COL18A1: variants seen among roughly 807,000 people sequenced by gnomAD.
The protein encoded by COL18A1 is collagen type XVIII alpha 1 chain, also known as collagen alpha-1(XVIII) chain.
Under a neutral mutation model 168.0 loss-of-function variants are expected in COL18A1, and 133 were observed. That is an observed-to-expected ratio of 0.79 (90% CI 0.69 to 0.91). COL18A1 has a LOEUF of 0.91. COL18A1 is among the 40% of genes least tolerant of loss of function. The pLI, the probability that COL18A1 is intolerant of heterozygous loss-of-function variation, is 0.00. For synonymous variants in COL18A1, 949 were observed against 809.0 expected (o/e 1.17, Z -2.94); for missense variants, 2,126 against 1,925.4 (o/e 1.10, Z -1.95).
At chr21:45,493,061 G>C in intron 24 of COL18A1, 102 bp from the exon 25 acceptor site, 1 of 1,222,812 alleles carries the variant, frequency 8.2e-7, no homozygotes, top group East Asian at 2.5e-5. Flanking sequence ...GGCTGTCGAG[G>C]CAGGCATATT....
rs1048069616 is a variant in COL18A1, at chr21:45,498,997, A to G, written c.2683+1336A>G. Among the ~76,000 whole-genome samples the G allele has an allele frequency of 4.6e-5, 7 of 152,158 alleles. No individual in the cohort carries two copies. Among genetic ancestry groups the G allele is most frequent in the Admixed American group, 2.6e-4 (4 of 15,274 alleles). ...CCAGAACGAGGGCTCCGAGGGCTCTAGAGGGAACAGTGTTTGCAGGCGGAA... is the reference window on the plus strand; with the variant it reads ...CCAGAACGAGGGCTCCGAGGGCTCTGGAGGGAACAGTGTTTGCAGGCGGAA... On this transcript the variant is annotated intron_variant, in intron 32 of 41. Coordinates refer to ENST00000651438, the MANE Select transcript of COL18A1 (RefSeq NM_001379500.1). This position sits in a 1 kb window ranked among gnomAD's most constrained non-coding sequence, Gnocchi z 4.5.
intron 2 of COL18A1, among the ~76,000 whole-genome samples, chr21:45,410,555 C>T (rs568786251): frequency 5.3e-5 from 8 of 152,374 alleles, no homozygotes; most frequent in African/African-American, 9.6e-5. Flanking sequence ...CCCCCGCAGC[C>T]GTTTGTTCGT....
chr21:45,468,186 G>A lies in COL18A1; in HGVS notation c.107-56G>A. The A allele has an allele frequency of 2.5e-6, 4 of 1,598,034 alleles. No homozygotes were observed. The South Asian group carries it at 4.4e-5, about 18-fold the overall frequency. On this transcript the variant is annotated intron_variant, in intron 2 of 41. Transcript: ENST00000651438. ...CTGGCTGCCTCTCCAGGCCGCGTCG[G>A]TGGCCCCTGGTTCCGTCCTGCACAG...
intron 2 of COL18A1, among the ~76,000 whole-genome samples, chr21:45,445,376 C>T (rs891284590): frequency 3.3e-5 from 5 of 152,210 alleles, no homozygotes; most frequent in Non-Finnish European, 5.9e-5. Flanking sequence ...GACTTCTGAG[C>T]GGTGTCCACC....
chr21:45,429,707 CCT>C (rs1225312829), intron 2 of COL18A1, among the ~76,000 whole-genome samples: 3 of 152,144 alleles, frequency 2.0e-5, no homozygotes, highest in Non-Finnish European at 4.4e-5. Context: ...TCTGGCAGCC[CCT>C]GTCAGCATCC....
intron 2 of COL18A1, among the ~76,000 whole-genome samples, chr21:45,418,212 G>A (rs1344589123): frequency 6.6e-6 from 1 of 152,268 alleles, no homozygotes; most frequent in Non-Finnish European, 1.5e-5. Context: ...ACAGCGCTGA[G>A]CGGAGCTGGC....
At chr21:45,444,247 G>C (rs2034456917) in intron 2 of COL18A1, among the ~76,000 whole-genome samples, 1 of 152,208 alleles carries the variant, frequency 6.6e-6, no homozygotes, top group African/African-American at 2.4e-5. Flanking sequence ...CTTCAGTGCT[G>C]CGAGCAGGCT....
chr21:45,482,245 G>A lies in COL18A1; in HGVS notation c.1674+220G>A, dbSNP rs17004781. ...CCTGTGATGATGAGTGGACTCACGG[G>A]TTTTAAGAACATGGGCACCCTGCGA... On this transcript the variant is annotated intron_variant, in intron 14 of 41. Transcript: ENST00000651438. 5.5e-3 allele frequency: 3,418 copies of A among 624,872 alleles called. 77 individuals carry two copies. The African/African-American group carries it at 0.056, about 10-fold the overall frequency. The allele number at this position is 624,872 out of a possible 1,614,324, so 38.7% of individuals were successfully genotyped here. A position where few individuals can be genotyped will look rare whatever the true frequency, so the allele number is the denominator to read the frequency against.
chr21:45,492,174 G>T (rs1198016298), intron 22 of COL18A1, among the ~76,000 whole-genome samples: 1 of 152,238 alleles, frequency 6.6e-6, no homozygotes, highest in Non-Finnish European at 1.5e-5. Context: ...GGCAGGGGCA[G>T]CCCGAGAGGC....
At position 45,504,138 on chromosome 21, in the gene COL18A1, C is replaced by T. The variant is rs530549292; in HGVS notation, c.2727+84C>T. 1.4e-3 allele frequency: 2,132 copies of T among 1,476,604 alleles called. 2 individuals carry two copies. The highest frequency in any genetic ancestry group is 1.9e-3 in the Non-Finnish European group (1,968 of 1,057,702). 91.5% of individuals were successfully genotyped at this position (1,476,604 alleles called of 1,614,324 possible). A position where few individuals can be genotyped will look rare whatever the true frequency, so the allele number is the denominator to read the frequency against. ...GCTGCTCCCAATTTCTCGCCCCATC[C>T]GGCCCAAGCCCCCTTCCTGTTCAGC... On this transcript the variant is annotated intron_variant, in intron 33 of 41. Coordinates refer to ENST00000651438, the MANE Select transcript of COL18A1 (RefSeq NM_001379500.1).
At chr21:45,448,335 CAAG>C (rs769889684) in intron 2 of COL18A1, among the ~76,000 whole-genome samples, 6 of 152,204 alleles carry the variant, frequency 3.9e-5, no homozygotes, top group African/African-American at 7.2e-5. Context: ...CGTGTGCACA[CAAG>C]AATATCTACA....
chr21:45,497,892 C>G, intron 32 of COL18A1: 1 of 620,050 alleles, frequency 1.6e-6, no homozygotes, highest in Non-Finnish European at 2.8e-6. Flanking sequence ...GCCCCATCAC[C>G]TCCTGAGGAG....
In COL18A1 at chr21:45,505,190, C is replaced by T. The variant is rs1176134047; in HGVS notation, c.2925C>T (p.Pro975=). 2 of 1,605,370 alleles carry T rather than the reference C, an allele frequency of 1.2e-6. No individual in the cohort carries two copies. Among genetic ancestry groups the T allele is most frequent in the Admixed American group, 1.7e-5 (1 of 58,618 alleles). Residue 975 remains proline (P), a synonymous_variant, in exon 35 of 42, where the codon CCC becomes CCT. Coordinates refer to ENST00000651438, the MANE Select transcript of COL18A1 (RefSeq NM_001379500.1). ...GQPGPPGPQG[P]PGIGYEGRQG... ...CCGGCCCACCTGGACCTCAGGGACC[C>T]CCCGGCATCGGCTACGAGGGGCGCC...
chr21:45,425,525 C>A lies in COL18A1; in HGVS notation c.106+20052C>A, dbSNP rs1213618427. Among the ~76,000 whole-genome samples the A allele has an allele frequency of 6.6e-6, 1 of 152,224 alleles. No homozygotes were observed. The highest frequency in any genetic ancestry group is 2.4e-5 in the African/African-American group (1 of 41,458). ...GGGGTCACAACCCCACTCACCCACA[C>A]CCTCCTGCATGAACACTGCACAGCT... On this transcript the variant is annotated intron_variant, in intron 2 of 41. Coordinates refer to ENST00000651438, the MANE Select transcript of COL18A1 (RefSeq NM_001379500.1). The surrounding 1 kb of genome is among the most constrained non-coding windows in gnomAD (Gnocchi z 4.1).
intron 2 of COL18A1, among the ~76,000 whole-genome samples, chr21:45,434,454 C>CG (rs979185427): frequency 1.3e-4 from 20 of 152,126 alleles, no homozygotes; most frequent in South Asian, 4.2e-4. Context: ...TTGCTCTCTC[C>CG]GGGGGGGTTT....
chr21:45,441,342 G>C (rs1006674127), intron 2 of COL18A1, among the ~76,000 whole-genome samples: 1 of 152,204 alleles, frequency 6.6e-6, no homozygotes, highest in Non-Finnish European at 1.5e-5. Flanking sequence ...GCAAGACGCT[G>C]CCCCTACTGT....
Position 45,505,849 on chromosome 21 carries a change from G to T in COL18A1, c.3099G>T (p.Trp1033Cys). The change falls in exon 37 of 42, where the codon TGG becomes TGT. Residue 1033 changes from tryptophan to cysteine, a missense_variant. Coordinates refer to ENST00000651438, the MANE Select transcript of COL18A1 (RefSeq NM_001379500.1). ...TTTGGTCCCAGCAGGTGAGGCTCTG[G>T]GCTACACGCCAGGCCATGCTGGGCC... ...TMGASSGVRL[W>C]ATRQAMLGQV... is the part of the protein sequence containing the mutation. 3.1e-6 allele frequency: 5 copies of T among 1,609,974 alleles called. No individual in the cohort carries two copies. The highest frequency in any genetic ancestry group is 3.4e-6 in the Non-Finnish European group (4 of 1,179,536).
chr21:45,426,696 G>C (rs2033814304), intron 2 of COL18A1, among the ~76,000 whole-genome samples: 1 of 152,232 alleles, frequency 6.6e-6, no homozygotes, highest in African/African-American at 2.4e-5. Context: ...GGGAGTGTCC[G>C]CCCTCTGCAC....
chr21:45,493,027 TG>T, intron 24 of COL18A1, 135 bp from the exon 25 acceptor site: 1 of 906,476 alleles, frequency 1.1e-6, no homozygotes, highest in Non-Finnish European at 1.8e-6. Context: ...AGAGTGAGGC[TG>T]GGGCCGCGAG....
Sources: gnomAD v4.1 joint callset for allele counts (sites outside exome capture counted in the v4.1 genomes callset) on GRCh38, gnomAD v4.1.1 for gene constraint, Gnocchi (gnomAD v3.1) non-coding constraint, MANE v1.5 for transcripts, NCBI Gene and HGNC (gene_info 2026-07-23, HGNC 2026-07-21) for gene names.